Variants in RP9 observed in about 807,000 individuals in gnomAD.
RP9 encodes the protein RP9 pre-mRNA splicing factor, also known as retinitis pigmentosa 9 protein.
A neutral mutation model predicts 32.6 loss-of-function variants in RP9; 23 were observed. The ratio of observed to expected loss-of-function variants is 0.71; its 90% CI spans 0.51 to 1.00. The LOEUF is 1.00. RP9 is among the 50% of genes least tolerant of loss of function. The pLI, the probability that RP9 is intolerant of heterozygous loss-of-function variation, is 0.00. For synonymous variants in RP9, 94 were observed against 103.6 expected, an observed-to-expected ratio of 0.91 and a Z score of 0.56; for missense variants, 245 against 285.3, an observed-to-expected ratio of 0.86 and a Z score of 1.02.
intron 2 of RP9, chr7:33,100,206 G>A (rs1788404896): frequency 2.5e-6 from 1 of 402,324 alleles, no homozygotes; most frequent in Non-Finnish European, 4.7e-6. Flanking sequence ...AGCAGAGGAT[G>A]GACCGAGGGG....
At chr7:33,099,226 A>G in intron 3 of RP9, 81 bp downstream of exon 3, 1 of 1,530,190 alleles carries the variant, frequency 6.5e-7, no homozygotes, top group Non-Finnish European at 9.0e-7. Context: ...TGATGAGAAC[A>G]AGTTAAATAA....
At chr7:33,095,948 T>C (rs1788326495) in intron 5 of RP9, among the ~76,000 whole-genome samples, 1 of 152,080 alleles carries the variant, frequency 6.6e-6, no homozygotes, top group Non-Finnish European at 1.5e-5. Context: ...TCCTCCCACC[T>C]CATCCTCCCG....
chr7:33,095,589 C>T (rs1788320286), intron 5 of RP9, among the ~76,000 whole-genome samples, 157 bp from the exon 6 acceptor site: 2 of 152,232 alleles, frequency 1.3e-5, no homozygotes. Context: ...TTCTTCTCCA[C>T]CTGAATGCCT....
In RP9 at chr7:33,109,268, C is replaced by T. The variant is rs1458273548; in HGVS notation, c.105G>A (p.Arg35=). 1 of 1,493,654 alleles carries T rather than the reference C, an allele frequency of 6.7e-7. No individual in the cohort carries two copies. Among genetic ancestry groups the T allele is most frequent in the Non-Finnish European group, 8.9e-7 (1 of 1,125,436 alleles). 92.5% of individuals were successfully genotyped at this position (1,493,654 alleles called of 1,614,324 possible). ...GCTGCAGCTGCTGCGCGTCGTGTCG[C>T]CGCCGCTTCTGCTCCCGACGTCGCT... is the stretch of plus-strand genomic sequence containing the variant. ...ELQRRREQKR[R]RHDAQQLQQL... Residue 35 remains arginine, a synonymous_variant, in exon 1 of 6, where the codon CGG becomes CGA. Transcript: ENST00000297157. The surrounding 1 kb of genome is among the most constrained non-coding windows in gnomAD (Gnocchi z 4.9).
rs1335130652 is a variant in RP9 at position 33,100,564 on chromosome 7, G to A, written c.153-3C>T. The A allele has an allele frequency of 1.2e-6, 2 of 1,612,684 alleles. No homozygotes were observed. The highest frequency in any genetic ancestry group is 1.7e-6 in the Non-Finnish European group (2 of 1,178,916). ...GCCCAGGAGGAGGTTTTTCGTAACT[G>A]GAAAACAAAAAACAAAACCTTATCA... On this transcript the variant is annotated splice_region_variant and splice_polypyrimidine_tract_variant and intron_variant, in intron 1 of 5. Coordinates refer to ENST00000297157, the MANE Select transcript of RP9 (RefSeq NM_203288.2).
At chr7:33,099,568 T>C in intron 2 of RP9, 132 bp from the exon 3 acceptor site, 2 of 933,410 alleles carry the variant, frequency 2.1e-6, no homozygotes, top group South Asian at 2.8e-5. Context: ...CCCTCAAAAC[T>C]AGAAAAAAAG....
chr7:33,096,525 TATG>T lies in RP9; in HGVS notation c.432_434del (p.Ile145del). The T allele has an allele frequency of 6.2e-7, 1 of 1,613,512 alleles. No individual in the cohort carries two copies. Among genetic ancestry groups the T allele is most frequent in the Non-Finnish European group, 8.5e-7 (1 of 1,179,414 alleles). On this transcript the variant is annotated inframe_deletion, in exon 5 of 6. Coordinates refer to ENST00000297157, the MANE Select transcript of RP9 (RefSeq NM_203288.2). The stretch of plus-strand genomic sequence containing the variant: ...CCTTTTCATGTCGTTTATTGTCTCG[TATG>T]ATGTCATACATGGGATCTTCATGTG...
intron 3 of RP9, among the ~76,000 whole-genome samples, chr7:33,098,722 A>G (rs1032697923): frequency 6.6e-6 from 1 of 152,216 alleles, no homozygotes; most frequent in Non-Finnish European, 1.5e-5. Flanking sequence ...CAAAATTCTC[A>G]AGGAAACTGA....
chr7:33,098,680 A>G (rs1415325900), intron 3 of RP9, among the ~76,000 whole-genome samples: 2 of 152,258 alleles, frequency 1.3e-5, no homozygotes, highest in Non-Finnish European at 2.9e-5. Context: ...CTTTGCTTTT[A>G]ACAAATAATC....
chr7:33,095,263 TG>T lies in RP9; in HGVS notation c.636del (p.Lys213SerfsTer38), dbSNP rs1198383088. 1 of 1,613,126 alleles carries T rather than the reference TG, an allele frequency of 6.2e-7. No homozygotes were observed. The highest frequency in any genetic ancestry group is 8.5e-7 in the Non-Finnish European group (1 of 1,179,306). ...KKKKKRKHKSSKSNEGSDSE is the reference protein window; with the variant it reads ...KKKKKRKHKSXKSNEGSDSE Reference sequence around the variant, plus strand: ...TCTGAGTCAGAACCCTCATTTGACTTGGAAGATTTGTGCTTCCGTTTTTTCT... The same window carrying T: ...TCTGAGTCAGAACCCTCATTTGACTTGAAGATTTGTGCTTCCGTTTTTTCT... On this transcript the variant is annotated frameshift_variant, in exon 6 of 6. Coordinates refer to ENST00000297157, the MANE Select transcript of RP9 (RefSeq NM_203288.2). LOFTEE classifies it high-confidence loss of function.
At position 33,098,495 on chromosome 7, in the gene RP9, C is replaced by T. The variant is rs1467513579; in HGVS notation, c.313+812G>A. On this transcript the variant is annotated intron_variant, in intron 3 of 5. Coordinates refer to ENST00000297157, the MANE Select transcript of RP9 (RefSeq NM_203288.2). The stretch of plus-strand genomic sequence containing the variant: ...GTCTGAAGGAAGCTGCTGCAATAGC[C>T]ACAAAGGGTCACACGAATGAATGAA... 4.6e-5 allele frequency among the ~76,000 whole-genome samples: 7 copies of T among 152,250 alleles called. No individual in the cohort carries two copies. In the South Asian group the frequency reaches 1.0e-3, roughly 23 times the overall value.
chr7:33,104,631 T>C (rs1343760823), intron 1 of RP9, among the ~76,000 whole-genome samples: 2 of 152,202 alleles, frequency 1.3e-5, no homozygotes, highest in Non-Finnish European at 2.9e-5. Flanking sequence ...TTTTGGAAGC[T>C]AGAAGATAGT....
chr7:33,109,214 G>A lies in RP9; in HGVS notation c.152+7C>T. 1 of 1,494,408 alleles carries A rather than the reference G, an allele frequency of 6.7e-7. No individual in the cohort carries two copies. Among genetic ancestry groups the A allele is most frequent in the Non-Finnish European group, 8.9e-7 (1 of 1,124,150 alleles). The allele number at this position is 1,494,408 out of a possible 1,614,324, so 92.6% of individuals were successfully genotyped here. A position where few individuals can be genotyped will look rare whatever the true frequency, so the allele number is the denominator to read the frequency against. Reference sequence around the variant, plus strand: ...TGGCCGCGCGCGGACGGCAGCTCGGGACTCACAAGGACTCCAGGTGCTTGA... The same window carrying A: ...TGGCCGCGCGCGGACGGCAGCTCGGAACTCACAAGGACTCCAGGTGCTTGA... On this transcript the variant is annotated splice_region_variant and intron_variant, in intron 1 of 5. Coordinates refer to ENST00000297157, the MANE Select transcript of RP9 (RefSeq NM_203288.2). This position sits in a 1 kb window ranked among gnomAD's most constrained non-coding sequence, Gnocchi z 4.9.
At chr7:33,100,965 A>C in intron 1 of RP9, 1 of 363,298 alleles carries the variant, frequency 2.8e-6, no homozygotes, top group Non-Finnish European at 5.4e-6. Flanking sequence ...AAATATTTTT[A>C]GCTCAGGTCT....
At chr7:33,099,641 A>G (rs917594953) in intron 2 of RP9, among the ~76,000 whole-genome samples, 2 of 152,072 alleles carry the variant, frequency 1.3e-5, no homozygotes, top group African/African-American at 4.8e-5. Context: ...ACCAAAAACA[A>G]TGTAGCTGTT....
rs904315652 is a variant in RP9 at position 33,097,496 on chromosome 7, T to G, written c.314-134A>C. The G allele has an allele frequency of 3.9e-5, 26 of 672,642 alleles. No homozygotes were observed. The Admixed American group carries it at 4.5e-4, about 12-fold the overall frequency. 41.7% of individuals were successfully genotyped at this position (672,642 alleles called of 1,614,324 possible). A position where few individuals can be genotyped will look rare whatever the true frequency, so the allele number is the denominator to read the frequency against. Reference sequence around the variant, plus strand: ...ACAAAATATAATTATGGACAAGCCATGTAAGATCCCAGAAACAGAGGTAAA... The same window carrying G: ...ACAAAATATAATTATGGACAAGCCAGGTAAGATCCCAGAAACAGAGGTAAA... On this transcript the variant is annotated intron_variant, in intron 3 of 5. Coordinates refer to ENST00000297157, the MANE Select transcript of RP9 (RefSeq NM_203288.2).
chr7:33,096,596 G>C (rs751316067), intron 4 of RP9, 42 bp from the exon 5 acceptor site: 8 of 1,346,890 alleles, frequency 5.9e-6, no homozygotes, highest in Non-Finnish European at 8.5e-6. Context: ...AGGCTTCATG[G>C]ATCACAAGTT....
chr7:33,108,986 T>C (rs1206618269), intron 1 of RP9, among the ~76,000 whole-genome samples: 2 of 152,134 alleles, frequency 1.3e-5, no homozygotes, highest in East Asian at 3.9e-4. Flanking sequence ...AGTCAGATTC[T>C]GCTTGGTGCC....
At chr7:33,096,751 G>A (rs938943332) in intron 4 of RP9, among the ~76,000 whole-genome samples, 197 bp from the exon 5 acceptor site, 1 of 152,154 alleles carries the variant, frequency 6.6e-6, no homozygotes, top group Admixed American at 6.5e-5. Context: ...GAAAAATACA[G>A]GAAATGGCTA....
Sources: gnomAD v4.1 joint callset for allele counts (sites outside exome capture counted in the v4.1 genomes callset) on GRCh38, gnomAD v4.1.1 for gene constraint, Gnocchi (gnomAD v3.1) non-coding constraint, MANE v1.5 for transcripts, NCBI Gene and HGNC (gene_info 2026-07-23, HGNC 2026-07-21) for gene names.